TEX14: variants seen among roughly 807,000 people sequenced by gnomAD.
TEX14 encodes the protein testis expressed 14, intercellular bridge forming factor.
A neutral mutation model predicts 178.6 loss-of-function variants in TEX14; 168 were observed. The observed-to-expected ratio is 0.94, with a 90% CI of 0.83 to 1.07. The LOEUF (loss-of-function observed/expected upper bound fraction) is 1.07, where lower values mean the gene tolerates loss of function less well. Among genes scored for constraint, TEX14 ranks in the 50% least tolerant of loss-of-function variants. The pLI, the probability that TEX14 is intolerant of heterozygous loss-of-function variation, is 0.00. For synonymous variants in TEX14, 626 were observed against 634.1 expected (o/e 0.99, Z 0.19); for missense variants, 1,730 against 1,753.6 (o/e 0.99, Z 0.24).
chr17:58,624,899 A>C (rs1205267256), intron 3 of TEX14, among the ~76,000 whole-genome samples: 1 of 152,090 alleles, frequency 6.6e-6, no homozygotes, highest in African/African-American at 2.4e-5. Flanking sequence ...AGGACCCAGG[A>C]ATGTGGTTTG....
intron 1 of TEX14, among the ~76,000 whole-genome samples, chr17:58,652,779 G>C (rs1311459698): frequency 1.3e-5 from 2 of 152,198 alleles, no homozygotes; most frequent in African/African-American, 4.8e-5. Flanking sequence ...TGTAAAGCTA[G>C]ATAGTATAAC....
chr17:58,624,843 T>C (rs1191128264), intron 3 of TEX14, among the ~76,000 whole-genome samples: 1 of 152,192 alleles, frequency 6.6e-6, no homozygotes, highest in Non-Finnish European at 1.5e-5. Context: ...AAAGCACAGA[T>C]TCTCAGACTA....
chr17:58,613,329 C>T, intron 9 of TEX14, 92 bp downstream of exon 9: 2 of 1,493,004 alleles, frequency 1.3e-6, no homozygotes, highest in African/African-American at 1.4e-5. Context: ...TCCATGCATG[C>T]AGAAATGGGA....
In TEX14 at chr17:58,630,596, T is replaced by C. The variant is rs759568827; in HGVS notation, c.137-42A>G. 7.6e-6 allele frequency: 11 copies of C among 1,453,302 alleles called. 1 individual carries two copies. The South Asian group carries it at 9.2e-5, about 12-fold the overall frequency. The allele number at this position is 1,453,302 out of a possible 1,614,324, so 90.0% of individuals were successfully genotyped here. On this transcript the variant is annotated intron_variant, in intron 2 of 31. Coordinates refer to ENST00000349033, the MANE Select transcript of TEX14 (RefSeq NM_031272.5). ...AGAATCAATGCAAATATCAGAAAAT[T>C]TCCTGAGAAGGAACTGGGTAGGGGG...
Position 58,621,736 on chromosome 17 carries a change from C to T in TEX14, c.468G>A (p.Gln156=). 1.2e-6 allele frequency: 2 copies of T among 1,614,198 alleles called. No homozygotes were observed. Among genetic ancestry groups the T allele is most frequent in the African/African-American group, 2.7e-5 (2 of 75,068 alleles). The change falls in exon 5 of 32, where the codon CAG becomes CAA. Residue 156 remains glutamine, a synonymous_variant. Transcript: ENST00000349033. ...TCTTCAGGAGGTCGTAAGAGAAGCC[C>T]TGGATGATGGCCTGCATGTGTGAGG... is the stretch of plus-strand genomic sequence containing the variant. ...RCASHMQAII[Q]GFSYDLLKKI...
chr17:58,574,182 C>G lies in TEX14; in HGVS notation c.3383+5G>C. 1 of 1,610,478 alleles carries G rather than the reference C, an allele frequency of 6.2e-7. No homozygotes were observed. Among genetic ancestry groups the G allele is most frequent in the Non-Finnish European group, 8.5e-7 (1 of 1,176,828 alleles). Reference sequence around the variant, plus strand: ...ATCCCTAGGCATTCTCTTTGGTGATCATACATGTCTTTCTCTTTCAGTTCC... The same window carrying G: ...ATCCCTAGGCATTCTCTTTGGTGATGATACATGTCTTTCTCTTTCAGTTCC... On this transcript the variant is annotated splice_donor_5th_base_variant and intron_variant, in intron 22 of 31. Transcript: ENST00000349033.
chr17:58,665,611 C>T (rs1382528442), intron 1 of TEX14, among the ~76,000 whole-genome samples: 2 of 151,172 alleles, frequency 1.3e-5, no homozygotes, highest in African/African-American at 4.9e-5. Flanking sequence ...AAACAAAAAA[C>T]AAAAAAACCC....
chr17:58,681,789 G>A (rs1459479021), intron 1 of TEX14, among the ~76,000 whole-genome samples: 2 of 151,950 alleles, frequency 1.3e-5, no homozygotes, highest in Admixed American at 6.6e-5. Context: ...GTTGCAGTGA[G>A]CTAAGATCAT....
At chr17:58,592,223 CTTT>C (rs1567723318) in intron 15 of TEX14, among the ~76,000 whole-genome samples, 2 of 147,806 alleles carry the variant, frequency 1.4e-5, no homozygotes, top group Non-Finnish European at 3.0e-5. Context: ...TAAGTTCGTT[CTTT>C]ATTTATTTAA....
At chr17:58,582,227 A>G (rs1293739919) in intron 19 of TEX14, among the ~76,000 whole-genome samples, 1 of 152,176 alleles carries the variant, frequency 6.6e-6, no homozygotes, top group Non-Finnish European at 1.5e-5. Flanking sequence ...CTCAATAATA[A>G]AAATAAAATA....
intron 5 of TEX14, among the ~76,000 whole-genome samples, chr17:58,619,503 G>T (rs537973175): frequency 1.3e-5 from 2 of 152,002 alleles, no homozygotes; most frequent in African/African-American, 2.4e-5. Context: ...AATTTGTGTG[G>T]TTTTTTACAT....
intron 10 of TEX14, among the ~76,000 whole-genome samples, chr17:58,608,480 G>A (rs936075585): frequency 6.6e-6 from 1 of 151,984 alleles, no homozygotes; most frequent in African/African-American, 2.4e-5. Flanking sequence ...TACTCAGGAA[G>A]CTGAGGTAGG....
In TEX14 at chr17:58,570,104, C is replaced by A. The variant is rs149096509; in HGVS notation, c.3817+281G>T. 1.1e-4 allele frequency among the ~76,000 whole-genome samples: 16 copies of A among 151,638 alleles called. No homozygotes were observed. In the East Asian group the frequency reaches 2.5e-3, roughly 24 times the overall value. On this transcript the variant is annotated intron_variant, in intron 25 of 31. Coordinates refer to ENST00000349033, the MANE Select transcript of TEX14 (RefSeq NM_031272.5). ...AATAAAGCAGTCCAGAACTGATACA[C>A]AATATGATCTCACTATGCTAAAACA... is the stretch of plus-strand genomic sequence containing the variant.
At chr17:58,683,695 G>A (rs549120421) in intron 1 of TEX14, among the ~76,000 whole-genome samples, 3 of 151,298 alleles carry the variant, frequency 2.0e-5, no homozygotes, top group East Asian at 1.9e-4. Context: ...CCCGGAAGGC[G>A]GGGTCTGCAG....
chr17:58,666,168 C>A (rs546505307), intron 1 of TEX14, among the ~76,000 whole-genome samples: 3 of 151,732 alleles, frequency 2.0e-5, no homozygotes, highest in Non-Finnish European at 4.4e-5. Flanking sequence ...CATGGTAAGA[C>A]GCCATCTCTA....
chr17:58,587,843 A>ACCCCCCCCCCCCCCCCCCCC, intron 16 of TEX14, 53 bp downstream of exon 16: 3 of 1,118,828 alleles, frequency 2.7e-6, no homozygotes, highest in Non-Finnish European at 1.4e-6. Flanking sequence ...GGGTGCCAGA[A>ACCCCCCCCCCCCCCCCCCCC]CCCACCCCCA....
chr17:58,640,869 G>A (rs1043830981), intron 2 of TEX14, among the ~76,000 whole-genome samples: 3 of 151,998 alleles, frequency 2.0e-5, no homozygotes. Flanking sequence ...ACAGGTGCGA[G>A]CCACCAAGTC....
rs1012069346 is a variant in TEX14, at chr17:58,611,332, T to G, written c.1013A>C (p.Gln338Pro). The G allele has an allele frequency of 6.2e-7, 1 of 1,611,544 alleles. No individual in the cohort carries two copies. Among genetic ancestry groups the G allele is most frequent in the Non-Finnish European group, 8.5e-7 (1 of 1,178,742 alleles). The change falls in exon 10 of 32, where the codon CAG becomes CCG. Residue 338 changes from glutamine (Q) to proline (P), a missense_variant. Physicochemically the swap from Gln to Pro is moderately conservative, Grantham distance 76 (BLOSUM62 -1). This residue lies in a region of TEX14 where 789 missense variants were observed against 681.2 expected (regional missense o/e 1.16). Transcript: ENST00000349033. ...LFSVLHERRSQFPVLHMEVIV... is the reference protein window; with the variant it reads ...LFSVLHERRSPFPVLHMEVIV... Reference sequence around the variant, plus strand: ...CACCTCCATGTGCAGCACTGGGAACTGGGACCGCTGCAAGCAAGAGATGAA... The same window carrying G: ...CACCTCCATGTGCAGCACTGGGAACGGGGACCGCTGCAAGCAAGAGATGAA...
At chr17:58,632,420 G>A (rs1455789608) in intron 2 of TEX14, among the ~76,000 whole-genome samples, 4 of 152,054 alleles carry the variant, frequency 2.6e-5, no homozygotes, top group Non-Finnish European at 5.9e-5. Flanking sequence ...TTGAACTCCT[G>A]GGCTCAAGCG....
Sources: allele counts gnomAD v4.1 joint callset (sites outside exome capture counted in the v4.1 genomes callset), GRCh38; gene constraint gnomAD v4.1.1; regional missense constraint gnomAD v4.1.1; transcripts MANE v1.5; gene names NCBI Gene and HGNC (gene_info 2026-07-23, HGNC 2026-07-21).